RGS22: variants seen among roughly 807,000 people sequenced by gnomAD.
The protein encoded by RGS22 is regulator of G protein signaling 22, also known as regulator of G-protein signaling 22.
Under a neutral mutation model 172.9 loss-of-function variants are expected in RGS22, and 148 were observed. The ratio of observed to expected loss-of-function variants is 0.86; its 90% confidence interval spans 0.75 to 0.98. RGS22 has a LOEUF of 0.98. Among genes scored for constraint, RGS22 ranks in the 50% least tolerant of loss-of-function variants. The probability of loss-of-function intolerance (pLI) is 0.00; values close to 1 mark genes in which losing one functional copy is unlikely to be tolerated. For missense variants in RGS22, 1,347 were observed against 1,440.8 expected (o/e 0.93, Z 1.05); for synonymous variants, 458 against 480.2 (o/e 0.95, Z 0.60).
chr8:100,082,864 G>C (rs1811865735), intron 3 of RGS22, among the ~76,000 whole-genome samples: 2 of 152,162 alleles, frequency 1.3e-5, no homozygotes, highest in African/African-American at 4.8e-5. Context: ...GGTTTTACTA[G>C]TAAAGGCACA....
intron 23 of RGS22, among the ~76,000 whole-genome samples, chr8:99,976,666 A>G (rs1007257338): frequency 2.6e-5 from 4 of 152,130 alleles, no homozygotes; most frequent in Non-Finnish European, 5.9e-5. Context: ...CGACTGAACC[A>G]CTGTCTTTAA....
chr8:100,003,134 G>T, intron 17 of RGS22: 1 of 230,772 alleles, frequency 4.3e-6, no homozygotes, highest in East Asian at 1.5e-4. Flanking sequence ...TAACTTAATT[G>T]TACATTTAAA....
intron 9 of RGS22, among the ~76,000 whole-genome samples, chr8:100,056,023 T>C (rs1822206631): frequency 6.6e-6 from 1 of 152,128 alleles, no homozygotes; most frequent in Non-Finnish European, 1.5e-5. Context: ...TGTGGCAAAG[T>C]CTGGAACTTC....
chr8:100,062,460 A>G, intron 9 of RGS22, 131 bp downstream of exon 9: 1 of 619,420 alleles, frequency 1.6e-6, no homozygotes, highest in Non-Finnish European at 2.8e-6. Context: ...AAGTACCTTA[A>G]AGAAGGCCAA....
intron 22 of RGS22, among the ~76,000 whole-genome samples, chr8:99,978,614 G>C (rs1314736155): frequency 2.6e-5 from 4 of 152,158 alleles, no homozygotes; most frequent in Non-Finnish European, 5.9e-5. Context: ...TTTTATGTGA[G>C]AGCAAGAAAA....
chr8:100,043,803 A>G (rs991630202), intron 11 of RGS22, among the ~76,000 whole-genome samples: 3 of 152,182 alleles, frequency 2.0e-5, no homozygotes, highest in Admixed American at 6.5e-5. Flanking sequence ...ACAAAACAAA[A>G]AAAACCACAA....
chr8:100,080,449 C>T, intron 3 of RGS22, 94 bp from the exon 4 acceptor site: 1 of 792,556 alleles, frequency 1.3e-6, no homozygotes, highest in Non-Finnish European at 2.0e-6. Flanking sequence ...TGCATGCATA[C>T]CTCACAGAGT....
At position 99,991,221 on chromosome 8, in the gene RGS22, G is replaced by A. The variant is rs201259628; in HGVS notation, c.3019-3602C>T. ...AGCACCTCTTCTCCTCCAAAGGATC[G>A]CAGCTCCTCACCAGCAACGGAATAA... On this transcript the variant is annotated intron_variant, in intron 20 of 27. Transcript: ENST00000360863. Among the ~76,000 whole-genome samples, 27 of 152,290 alleles carry A rather than the reference G, an allele frequency of 1.8e-4. No individual in the cohort carries two copies. The East Asian group carries it at 5.0e-3, about 28-fold the overall frequency.
intron 14 of RGS22, among the ~76,000 whole-genome samples, chr8:100,033,689 C>T (rs1819107933): frequency 6.6e-6 from 1 of 151,410 alleles, no homozygotes; most frequent in African/African-American, 2.4e-5. Flanking sequence ...ACCAACATCT[C>T]TGACATCAAT....
chr8:100,074,727 T>C (rs533143462), intron 4 of RGS22, among the ~76,000 whole-genome samples: 1 of 152,238 alleles, frequency 6.6e-6, no homozygotes, highest in Non-Finnish European at 1.5e-5. Flanking sequence ...CTATAGACGT[T>C]TACATGCAGG....
intron 2 of RGS22, among the ~76,000 whole-genome samples, chr8:100,103,401 G>A (rs977338832): frequency 6.6e-6 from 1 of 152,170 alleles, no homozygotes; most frequent in Non-Finnish European, 1.5e-5. Context: ...TGCAGGCAGG[G>A]GATGAAGAAA....
intron 2 of RGS22, among the ~76,000 whole-genome samples, chr8:100,097,477 A>C (rs1813067078): frequency 6.6e-6 from 1 of 152,238 alleles, no homozygotes; most frequent in South Asian, 2.1e-4. Flanking sequence ...GCTATGTGAA[A>C]AAGCAAATGT....
chr8:100,065,248 A>G (rs1416399795), intron 7 of RGS22, among the ~76,000 whole-genome samples: 2 of 152,192 alleles, frequency 1.3e-5, no homozygotes, highest in Non-Finnish European at 2.9e-5. Flanking sequence ...ATGTACACTC[A>G]ATCCCATGGA....
intron 3 of RGS22, among the ~76,000 whole-genome samples, chr8:100,083,830 CTTTTTTTT>C (rs59603032): frequency 2.4e-5 from 3 of 126,056 alleles, no homozygotes; most frequent in Non-Finnish European, 4.9e-5. Flanking sequence ...AATTTCTTTT[CTTTTTTTT>C]TTTTTTTTTT....
At chr8:100,085,053 T>C (rs1812064672) in intron 3 of RGS22, among the ~76,000 whole-genome samples, 1 of 152,124 alleles carries the variant, frequency 6.6e-6, no homozygotes, top group Non-Finnish European at 1.5e-5. Flanking sequence ...TGATTAAAAA[T>C]GGAAGAAATG....
intron 14 of RGS22, among the ~76,000 whole-genome samples, chr8:100,019,959 ACCGCAAC>A (rs1817427662): frequency 3.5e-5 from 1 of 28,458 alleles, no homozygotes; most frequent in Non-Finnish European, 7.9e-5. Context: ...ATCTCGGCTC[ACCGCAAC>A]CTCCGTCTCC....
chr8:100,052,274 T>A (rs1821737672), intron 10 of RGS22, among the ~76,000 whole-genome samples: 1 of 140,084 alleles, frequency 7.1e-6, no homozygotes, highest in Non-Finnish European at 1.5e-5. Context: ...AATGTATATA[T>A]ATATTTATAT....
At chr8:100,044,263 T>C (rs1352188977) in intron 11 of RGS22, among the ~76,000 whole-genome samples, 1 of 152,184 alleles carries the variant, frequency 6.6e-6, no homozygotes, top group Non-Finnish European at 1.5e-5. Flanking sequence ...CGTTTGTTTG[T>C]TTTTTGAGAG....
chr8:99,994,246 T>C (rs976898065), intron 20 of RGS22, among the ~76,000 whole-genome samples: 1 of 152,164 alleles, frequency 6.6e-6, no homozygotes, highest in African/African-American at 2.4e-5. Flanking sequence ...TTCAATGTAG[T>C]GTTGGAAGTT....
Sources: gnomAD v4.1 joint callset for allele counts (sites outside exome capture counted in the v4.1 genomes callset) on GRCh38, gnomAD v4.1.1 for gene constraint, MANE v1.5 for transcripts, NCBI Gene and HGNC (gene_info 2026-07-23, HGNC 2026-07-21) for gene names.